Variants in ZZEF1 observed in about 807,000 individuals in gnomAD.
ZZEF1 encodes zinc finger ZZ-type and EF-hand domain containing 1.
In ZZEF1, 157 loss-of-function variants were observed where a neutral mutation model predicts 342.8. That is an observed-to-expected ratio of 0.46 (90% confidence interval 0.40 to 0.52). ZZEF1 has a LOEUF of 0.52. ZZEF1 is among the 20% of genes least tolerant of loss of function. ZZEF1 has a pLI of 0.00. For synonymous variants in ZZEF1, 1,505 were observed against 1,429.1 expected (o/e 1.05, Z -1.20); for missense variants, 3,480 against 3,725.6 (o/e 0.93, Z 1.72).
Position 4,085,725 on chromosome 17 carries a change from G to C in ZZEF1, c.2591C>G (p.Ala864Gly), listed in dbSNP as rs770128020. 6.2e-7 allele frequency: 1 copy of C among 1,614,172 alleles called. No individual in the cohort carries two copies. The highest frequency in any genetic ancestry group is 1.7e-5 in the Admixed American group (1 of 60,016). The stretch of plus-strand genomic sequence containing the variant: ...CTGTCGATTAGGAAAGAAGATGGCA[G>C]CCCCATTGAGAAGGGTATTCCTGAC... ...QEVRNTLLNGAAIFFPNRQTR... is the reference protein window; with the variant it reads ...QEVRNTLLNGGAIFFPNRQTR... Residue 864 changes from alanine to glycine, a missense_variant, in exon 16 of 55, where the codon GCT becomes GGT. Physicochemically the swap from Ala to Gly is moderately conservative, Grantham distance 60. This residue lies in a region of ZZEF1 where 1,528 missense variants were observed against 1,624.1 expected (regional missense o/e 0.94). Transcript: ENST00000381638.
At chr17:4,107,968 C>A (rs910942808) in intron 6 of ZZEF1, among the ~76,000 whole-genome samples, 1 of 152,094 alleles carries the variant, frequency 6.6e-6, no homozygotes, top group Non-Finnish European at 1.5e-5. Flanking sequence ...GACACACAAG[C>A]CAGACTGCAG....
intron 8 of ZZEF1, among the ~76,000 whole-genome samples, chr17:4,103,537 ACT>A (rs1567844061): frequency 6.6e-6 from 1 of 152,010 alleles, no homozygotes; most frequent in Admixed American, 6.6e-5. Flanking sequence ...ACAGAGCAGG[ACT>A]CTGTCTCAAA....
intron 32 of ZZEF1, 63 bp from the exon 33 acceptor site, chr17:4,056,408 T>C: frequency 6.7e-7 from 1 of 1,493,078 alleles, no homozygotes; most frequent in Non-Finnish European, 8.9e-7. Context: ...AAGTACTGGT[T>C]AGCAGACCCT....
rs1331032971 is a variant in ZZEF1, at chr17:4,006,707, G to C, written c.*183C>G. ...GCTTATTTTCACCATGCTACAGCCT[G>C]TGCTTGTGTCCAGCCTACGCACGGG... On this transcript the variant is annotated 3_prime_UTR_variant, in exon 55 of 55. Transcript: ENST00000381638. 1.5e-6 allele frequency: 1 copy of C among 681,026 alleles called. No homozygotes were observed. Among genetic ancestry groups the C allele is most frequent in the Non-Finnish European group, 2.6e-6 (1 of 379,078 alleles). The allele number at this position is 681,026 out of a possible 1,614,324, so 42.2% of individuals were successfully genotyped here.
At chr17:4,081,516 C>T (rs1414963395) in intron 17 of ZZEF1, 26 bp from the exon 18 acceptor site, 3 of 1,565,824 alleles carry the variant, frequency 1.9e-6, no homozygotes, top group East Asian at 2.2e-5. Context: ...TTAGTCATGA[C>T]ACCTGGCTTC....
Position 4,109,636 on chromosome 17 carries a change from TAGAG to T in ZZEF1, c.1277+13_1277+16del, listed in dbSNP as rs1395966254. On this transcript the variant is annotated intron_variant, in intron 6 of 54. Coordinates refer to ENST00000381638, the MANE Select transcript of ZZEF1 (RefSeq NM_015113.4). ...AGGGCATGTTGAGGGGGCTGGAACA[TAGAG>T]AGAATGACTTACTGAGTATTGTGCA... is the stretch of plus-strand genomic sequence containing the variant. 4 of 1,613,418 alleles carry T rather than the reference TAGAG, an allele frequency of 2.5e-6. No individual in the cohort carries two copies. Among genetic ancestry groups the T allele is most frequent in the Admixed American group, 1.7e-5 (1 of 59,962 alleles).
intron 30 of ZZEF1, among the ~76,000 whole-genome samples, chr17:4,059,790 C>T (rs1328578269): frequency 6.6e-6 from 1 of 152,208 alleles, no homozygotes; most frequent in Admixed American, 6.5e-5. Context: ...GTGATCTTCT[C>T]TTCCACGCCC....
chr17:4,142,871 T>C lies in ZZEF1; in HGVS notation c.25A>G (p.Ser9Gly). MGNAPSHS[S>G]EDEAAAAGGE... ...CCGGCAGCTGCCGCTTCGTCTTCAC[T>C]GCTGTGACTCGGAGCGTTCCCCATG... is the stretch of plus-strand genomic sequence containing the variant. Residue 9 changes from serine (S) to glycine (G), a missense_variant, in exon 1 of 55, where the codon AGT becomes GGT. Transcript: ENST00000381638. The C allele has an allele frequency of 7.2e-7, 1 of 1,384,630 alleles. No homozygotes were observed. Among genetic ancestry groups the C allele is most frequent in the Non-Finnish European group, 9.3e-7 (1 of 1,078,182 alleles). 85.8% of individuals were successfully genotyped at this position (1,384,630 alleles called of 1,614,324 possible).
At chr17:4,123,552 T>C (rs765305385) in intron 2 of ZZEF1, among the ~76,000 whole-genome samples, 19 of 152,038 alleles carry the variant, frequency 1.2e-4, no homozygotes, top group Non-Finnish European at 2.2e-4. Flanking sequence ...AACACTTTAC[T>C]AATAATTGAA....
At chr17:4,140,940 G>C (rs932174446) in intron 1 of ZZEF1, among the ~76,000 whole-genome samples, 1 of 144,942 alleles carries the variant, frequency 6.9e-6, no homozygotes, top group African/African-American at 2.6e-5. Flanking sequence ...ACAGAGTATC[G>C]CTCTGAGGCC....
At chr17:4,083,637 C>CTTTTTTTTT (rs35907843) in intron 16 of ZZEF1, among the ~76,000 whole-genome samples, 1 of 118,668 alleles carries the variant, frequency 8.4e-6, no homozygotes, top group African/African-American at 2.9e-5. Context: ...GCTTTTGTTC[C>CTTTTTTTTT]TTTTTTTTTT....
At chr17:4,057,936 G>A (rs1328206238) in intron 32 of ZZEF1, 58 bp downstream of exon 32, 4 of 1,556,594 alleles carry the variant, frequency 2.6e-6, no homozygotes, top group African/African-American at 1.4e-5. Flanking sequence ...CCCCCACTAT[G>A]TTCCTTGCGT....
In ZZEF1 at chr17:4,035,083, G is replaced by A. The variant is rs148749613; in HGVS notation, c.6307-791C>T. On this transcript the variant is annotated intron_variant, in intron 39 of 54. Transcript: ENST00000381638. Reference sequence around the variant, plus strand: ...TAAAATAAATTTAAAATTTTAAATAGTTGTTTTTCTTTCTTTAAATAGTGT... The same window carrying A: ...TAAAATAAATTTAAAATTTTAAATAATTGTTTTTCTTTCTTTAAATAGTGT... 6.8e-4 allele frequency among the ~76,000 whole-genome samples: 103 copies of A among 152,292 alleles called. 1 individual carries two copies. The highest frequency in any genetic ancestry group is 2.4e-3 in the African/African-American group (99 of 41,572).
chr17:4,049,910 C>T lies in ZZEF1; in HGVS notation c.5864-51G>A, dbSNP rs747039392. The T allele has an allele frequency of 3.8e-6, 6 of 1,590,604 alleles. No individual in the cohort carries two copies. The African/African-American group carries it at 8.2e-5, about 22-fold the overall frequency. Reference sequence around the variant, plus strand: ...GGTTAGAAGTTTTATAATGAGAGTTCTTTTCAGCAAGTGCCATAAGTTACT... The same window carrying T: ...GGTTAGAAGTTTTATAATGAGAGTTTTTTTCAGCAAGTGCCATAAGTTACT... On this transcript the variant is annotated intron_variant, in intron 36 of 54. Transcript: ENST00000381638.
At chr17:4,090,587 A>G in intron 12 of ZZEF1, 132 bp downstream of exon 12, 1 of 686,262 alleles carries the variant, frequency 1.5e-6, no homozygotes, top group Non-Finnish European at 2.6e-6. Context: ...TGTCTCTCCC[A>G]CAGAGTATGA....
chr17:4,025,489 C>T (rs563551442), intron 42 of ZZEF1, among the ~76,000 whole-genome samples: 1 of 152,258 alleles, frequency 6.6e-6, no homozygotes, highest in South Asian at 2.1e-4. Flanking sequence ...GAGTTCAAGG[C>T]TAGCTTGGTC....
chr17:4,031,995 G>A (rs182198371), intron 42 of ZZEF1, 131 bp downstream of exon 42: 9 of 918,996 alleles, frequency 9.8e-6, no homozygotes, highest in East Asian at 5.2e-5. Flanking sequence ...AAAGAAGCTC[G>A]GGGAGCTATA....
At chr17:4,063,158 C>G (rs1567806453) in intron 29 of ZZEF1, among the ~76,000 whole-genome samples, 2 of 152,170 alleles carry the variant, frequency 1.3e-5, no homozygotes, top group East Asian at 3.8e-4. Flanking sequence ...TTTAACTTAA[C>G]GAATTAAAAA....
chr17:4,031,972 C>G (rs1257672005), intron 42 of ZZEF1, among the ~76,000 whole-genome samples, 154 bp downstream of exon 42: 1 of 152,020 alleles, frequency 6.6e-6, no homozygotes, highest in African/African-American at 2.4e-5. Context: ...TACATCATTT[C>G]AGAAATAAGG....
Sources: allele counts gnomAD v4.1 joint callset (sites outside exome capture counted in the v4.1 genomes callset), GRCh38; gene constraint gnomAD v4.1.1; regional missense constraint gnomAD v4.1.1; transcripts MANE v1.5; gene names NCBI Gene and HGNC (gene_info 2026-07-23, HGNC 2026-07-21).